The following PSKH2 variants were observed in gnomAD, a reference collection of about 807,000 sequenced individuals.
The protein encoded by PSKH2 is serine/threonine-protein kinase H2.
PSKH2 carries 16 observed loss-of-function variants against 22.5 expected under a neutral mutation model. That is an observed-to-expected ratio of 0.71 (90% CI 0.48 to 1.08). The LOEUF (loss-of-function observed/expected upper bound fraction) is 1.08. Ranked by LOEUF, PSKH2 falls within the 50% of genes least tolerant of loss-of-function variation. The probability of loss-of-function intolerance (pLI) is 0.00; values close to 1 mark genes in which losing one functional copy is unlikely to be tolerated. For synonymous variants in PSKH2, 188 were observed against 184.8 expected, an observed-to-expected ratio of 1.02 and a Z score of -0.14; for missense variants, 516 against 492.8, an observed-to-expected ratio of 1.05 and a Z score of -0.44.
intron 1 of PSKH2, 111 bp downstream of exon 1, chr8:86,069,327 A>G: frequency 9.9e-7 from 1 of 1,011,128 alleles, no homozygotes; most frequent in African/African-American, 1.7e-5. Flanking sequence ...TATCATCCGA[A>G]AGAACCCTGT....
rs762540551 is a variant in PSKH2 at position 86,069,527 on chromosome 8, C to A, written c.96G>T (p.Ala32=). The change falls in exon 1 of 3, where the codon GCG becomes GCT. Residue 32 remains alanine, a synonymous_variant. Transcript: ENST00000276616. ...GGGCCGCCGCCTCGGGCCCAGGCCC[C>A]GCGCCTCCGACGCCGGCTTGGTTTT... The part of the protein sequence containing the change: ...EGQNQAGVGG[A]GPGPEAAAQA... 6.2e-7 allele frequency: 1 copy of A among 1,609,034 alleles called. No individual in the cohort carries two copies. The highest frequency in any genetic ancestry group is 8.5e-7 in the Non-Finnish European group (1 of 1,178,466).
chr8:86,056,338 G>A (rs982807750), intron 2 of PSKH2, among the ~76,000 whole-genome samples: 3 of 151,948 alleles, frequency 2.0e-5, no homozygotes, highest in African/African-American at 7.3e-5. Context: ...GTCTGTCCTC[G>A]TCAGCTAGCT....
At chr8:86,049,706 GAAA>G (rs1817588630) in intron 2 of PSKH2, among the ~76,000 whole-genome samples, 3 of 45,546 alleles carry the variant, frequency 6.6e-5, no homozygotes, top group African/African-American at 1.8e-4. Context: ...AAGAAAGAAA[GAAA>G]GAAAGAAAGA....
intron 1 of PSKH2, chr8:86,066,249 G>A (rs1224130722): frequency 2.0e-5 from 3 of 150,744 alleles, no homozygotes; most frequent in African/African-American, 7.4e-5. Flanking sequence ...ACCCAGGCTG[G>A]AGTACAGTGG....
At chr8:86,069,392 T>C in intron 1 of PSKH2, 46 bp downstream of exon 1, 1 of 1,490,616 alleles carries the variant, frequency 6.7e-7, no homozygotes, top group Non-Finnish European at 8.9e-7. Context: ...CAGGGGTTTT[T>C]CTTTGTCAGC....
At chr8:86,057,241 T>G (rs1258229291) in intron 2 of PSKH2, among the ~76,000 whole-genome samples, 1 of 150,872 alleles carries the variant, frequency 6.6e-6, no homozygotes, top group Non-Finnish European at 1.5e-5. Flanking sequence ...TGTTCTTAAT[T>G]ATTATATTAT....
chr8:86,069,528 G>C lies in PSKH2; in HGVS notation c.95C>G (p.Ala32Gly). ...EGQNQAGVGGAGPGPEAAAQA... is the reference protein window; with the variant it reads ...EGQNQAGVGGGGPGPEAAAQA... ...GGCCGCCGCCTCGGGCCCAGGCCCC[G>C]CGCCTCCGACGCCGGCTTGGTTTTG... is the stretch of plus-strand genomic sequence containing the variant. Residue 32 changes from alanine to glycine, a missense_variant, in exon 1 of 3, where the codon GCG (alanine) becomes GGG (glycine). Transcript: ENST00000276616. 1 of 1,609,108 alleles carries C rather than the reference G, an allele frequency of 6.2e-7. No homozygotes were observed. Among genetic ancestry groups the C allele is most frequent in the East Asian group, 2.2e-5 (1 of 44,734 alleles).
intron 2 of PSKH2, among the ~76,000 whole-genome samples, chr8:86,058,680 G>C (rs1278344391): frequency 6.6e-6 from 1 of 152,082 alleles, no homozygotes; most frequent in African/African-American, 2.4e-5. Flanking sequence ...ATTCTAAACA[G>C]TATTTGGAAA....
rs1817546135 is a variant in PSKH2 at position 86,047,625 on chromosome 8, C to T, written c.*837G>A. 1.3e-5 allele frequency among the ~76,000 whole-genome samples: 2 copies of T among 152,162 alleles called. No homozygotes were observed. Among genetic ancestry groups the T allele is most frequent in the South Asian group, 4.1e-4 (2 of 4,824 alleles). On this transcript the variant is annotated 3_prime_UTR_variant, in exon 3 of 3. Transcript: ENST00000276616. ...AAATTTACCATATAAGAGATCAGGC[C>T]ATATGTGACTTGCCTAGAGAACTAA...
intron 1 of PSKH2, among the ~76,000 whole-genome samples, chr8:86,065,300 A>G (rs1479734783): frequency 3.3e-5 from 5 of 152,152 alleles, no homozygotes; most frequent in African/African-American, 1.2e-4. Context: ...CTCATCTTGT[A>G]CACAGTAGCT....
intron 2 of PSKH2, among the ~76,000 whole-genome samples, chr8:86,061,448 C>T (rs12156243): frequency 0.32 from 48,671 of 151,828 alleles, 8,422 homozygotes; most frequent in East Asian, 0.49. Flanking sequence ...CTGTGTAGTT[C>T]CCCCCAACAT....
At chr8:86,062,842 T>C (rs893720095) in intron 2 of PSKH2, among the ~76,000 whole-genome samples, 4 of 152,252 alleles carry the variant, frequency 2.6e-5, no homozygotes, top group African/African-American at 4.8e-5. Context: ...CAATTTGTCC[T>C]CTACTAGTAC....
intron 2 of PSKH2, among the ~76,000 whole-genome samples, chr8:86,059,329 G>T (rs915736748): frequency 6.6e-6 from 1 of 150,978 alleles, no homozygotes; most frequent in Non-Finnish European, 1.5e-5. Flanking sequence ...ATAGGCAAAA[G>T]AAAACCTTTC....
chr8:86,067,062 A>G (rs1817875529), intron 1 of PSKH2, among the ~76,000 whole-genome samples: 2 of 152,104 alleles, frequency 1.3e-5, no homozygotes, highest in Non-Finnish European at 2.9e-5. Flanking sequence ...AGAATTAATC[A>G]TATCAAACAA....
At chr8:86,056,813 C>A (rs1224710671) in intron 2 of PSKH2, among the ~76,000 whole-genome samples, 2 of 151,742 alleles carry the variant, frequency 1.3e-5, no homozygotes, top group Non-Finnish European at 2.9e-5. Context: ...AACTGAGATA[C>A]AGAAAAAACT....
intron 2 of PSKH2, among the ~76,000 whole-genome samples, chr8:86,061,838 A>C (rs1287539210): frequency 6.6e-6 from 1 of 152,208 alleles, no homozygotes; most frequent in Non-Finnish European, 1.5e-5. Context: ...GTGGCACAGA[A>C]GATTCACAAG....
intron 1 of PSKH2, among the ~76,000 whole-genome samples, chr8:86,065,078 T>C (rs1279208882): frequency 2.0e-5 from 3 of 152,180 alleles, no homozygotes; most frequent in Non-Finnish European, 4.4e-5. Flanking sequence ...AAAAACTGTT[T>C]CAAGAATGTT....
At position 86,048,747 on chromosome 8, in the gene PSKH2, G is replaced by C. The variant is rs1193771704; in HGVS notation, c.873C>G (p.His291Gln). 1.2e-6 allele frequency: 2 copies of C among 1,609,394 alleles called. No homozygotes were observed. The highest frequency in any genetic ancestry group is 3.3e-5 in the Admixed American group (2 of 59,846). ...YTGEPWPSIS[H>Q]LAKDFIDKLL... Reference sequence around the variant, plus strand: ...GTTTGTCTATAAAGTCCTTCGCCAAGTGGGAAATGCTTGGCCAAGGCTGAG... The same window carrying C: ...GTTTGTCTATAAAGTCCTTCGCCAACTGGGAAATGCTTGGCCAAGGCTGAG... Residue 291 changes from histidine to glutamine, a missense_variant, in exon 3 of 3, where the codon CAC becomes CAG. Coordinates refer to ENST00000276616, the MANE Select transcript of PSKH2 (RefSeq NM_033126.3).
intron 2 of PSKH2, among the ~76,000 whole-genome samples, chr8:86,062,412 G>A (rs1263077894): frequency 6.6e-6 from 1 of 152,108 alleles, no homozygotes; most frequent in East Asian, 1.9e-4. Context: ...ATTTTTTAAA[G>A]TTCTTGATAT....
Sources: allele counts gnomAD v4.1 joint callset (sites outside exome capture counted in the v4.1 genomes callset), GRCh38; gene constraint gnomAD v4.1.1; transcripts MANE v1.5; gene names NCBI Gene and HGNC (gene_info 2026-07-23, HGNC 2026-07-21).